The following SH2D4B variants were observed in gnomAD, a reference collection of about 807,000 sequenced individuals.
SH2D4B encodes SH2 domain-containing protein 4B.
SH2D4B carries 45 observed loss-of-function variants against 61.5 expected under a neutral mutation model. The ratio of observed to expected loss-of-function variants is 0.73; its 90% CI spans 0.58 to 0.94. The LOEUF (loss-of-function observed/expected upper bound fraction) is 0.94. SH2D4B is among the 40% of genes least tolerant of loss of function. The pLI is 0.00. For synonymous variants in SH2D4B, 224 were observed against 220.4 expected, an observed-to-expected ratio of 1.02 and a Z score of -0.14; for missense variants, 572 against 574.2, an observed-to-expected ratio of 1.00 and a Z score of 0.04.
chr10:80,590,727 A>G (rs1277689119), intron 4 of SH2D4B, among the ~76,000 whole-genome samples: 1 of 151,950 alleles, frequency 6.6e-6, no homozygotes, highest in Non-Finnish European at 1.5e-5. Flanking sequence ...TGGAGATACA[A>G]CTTACATACC....
intron 3 of SH2D4B, among the ~76,000 whole-genome samples, chr10:80,572,380 C>T (rs72805715): frequency 0.14 from 20,685 of 151,970 alleles, 1,502 homozygotes; most frequent in African/African-American, 0.17. Context: ...TAGGTTTTTC[C>T]GGTAACGTTG....
At chr10:80,548,278 C>A (rs570301753) in intron 1 of SH2D4B, among the ~76,000 whole-genome samples, 17 of 152,296 alleles carry the variant, frequency 1.1e-4, no homozygotes, top group African/African-American at 3.6e-4. Flanking sequence ...GATTCTCCTG[C>A]CTCAGCCTCC....
intron 1 of SH2D4B, among the ~76,000 whole-genome samples, chr10:80,547,268 A>G (rs1841691562): frequency 6.6e-6 from 1 of 152,206 alleles, no homozygotes; most frequent in African/African-American, 2.4e-5. Context: ...ACCATGGGAA[A>G]TTCTTGCTTA....
At chr10:80,589,593 G>C (rs1589347804) in intron 4 of SH2D4B, among the ~76,000 whole-genome samples, 1 of 152,188 alleles carries the variant, frequency 6.6e-6, no homozygotes, top group South Asian at 2.1e-4. Flanking sequence ...CTAAGCCCTA[G>C]GGATCCAGGG....
chr10:80,554,748 G>A (rs1485765080), intron 1 of SH2D4B, among the ~76,000 whole-genome samples: 1 of 152,116 alleles, frequency 6.6e-6, no homozygotes, highest in Non-Finnish European at 1.5e-5. Context: ...GGTGGCTTAC[G>A]CCTGTAATCT....
chr10:80,555,149 T>G (rs1297576909), intron 1 of SH2D4B, among the ~76,000 whole-genome samples: 1 of 152,154 alleles, frequency 6.6e-6, no homozygotes, highest in Non-Finnish European at 1.5e-5. Context: ...GGACCTACTG[T>G]GTGCAGTGTG....
At chr10:80,571,973 C>G (rs1427294592) in intron 3 of SH2D4B, among the ~76,000 whole-genome samples, 5 of 151,868 alleles carry the variant, frequency 3.3e-5, no homozygotes, top group Non-Finnish European at 5.9e-5. Context: ...GGGGTTTCAC[C>G]GTGTTAGCCA....
intron 1 of SH2D4B, among the ~76,000 whole-genome samples, chr10:80,561,237 G>A (rs4038156): frequency 3.9e-5 from 6 of 152,014 alleles, no homozygotes; most frequent in Admixed American, 2.0e-4. Context: ...GGAAAACAAC[G>A]GATAGAATTC....
intron 5 of SH2D4B, among the ~76,000 whole-genome samples, chr10:80,606,040 CAGGCCCAGGCAGTGAG>C (rs1842515568): frequency 6.6e-6 from 1 of 152,118 alleles, no homozygotes; most frequent in South Asian, 2.1e-4. Flanking sequence ...TACAGGGCAG[CAGGCCCAGGCAGTGAG>C]AGGGCCCTCC....
chr10:80,545,018 C>G (rs779863941), intron 1 of SH2D4B, among the ~76,000 whole-genome samples: 2 of 152,228 alleles, frequency 1.3e-5, no homozygotes, highest in Non-Finnish European at 2.9e-5. Context: ...CCCAATCTCT[C>G]TCTTTCAAAA....
intron 4 of SH2D4B, among the ~76,000 whole-genome samples, chr10:80,601,055 G>T (rs564807082): frequency 1.3e-4 from 20 of 152,204 alleles, no homozygotes; most frequent in Middle Eastern, 3.4e-3. Context: ...CGCAACATAC[G>T]GATGTCTTCT....
At chr10:80,581,271 T>C (rs1362711784) in intron 3 of SH2D4B, among the ~76,000 whole-genome samples, 1 of 152,168 alleles carries the variant, frequency 6.6e-6, no homozygotes, top group Non-Finnish European at 1.5e-5. Flanking sequence ...AGTAGGAACA[T>C]TGCATTGTAA....
Position 80,560,691 on chromosome 10 carries a change from AGCT to A in SH2D4B, c.185-9462_185-9460del, listed in dbSNP as rs1564768596. Among the ~76,000 whole-genome samples, 578 of 134,774 alleles carry A rather than the reference AGCT, an allele frequency of 4.3e-3. 3 individuals are homozygous for A. The highest frequency in any genetic ancestry group is 0.016 in the African/African-American group (555 of 34,800). 88.4% of individuals were successfully genotyped at this position (134,774 alleles called of 152,430 possible). A position where few individuals can be genotyped will look rare whatever the true frequency, so the allele number is the denominator to read the frequency against. ...AGGCCTGAACCACCGTTCCTGGCCA[AGCT>A]TTTTTTTTTTTTTTTTTTTTTTTTT... On this transcript the variant is annotated intron_variant, in intron 1 of 7. Transcript: ENST00000646907.
chr10:80,554,196 C>T (rs930058054), intron 1 of SH2D4B, among the ~76,000 whole-genome samples: 2 of 152,186 alleles, frequency 1.3e-5, no homozygotes, highest in African/African-American at 2.4e-5. Context: ...GAACACATCG[C>T]TGTTGGGGCA....
chr10:80,595,939 C>T (rs1397944803), intron 4 of SH2D4B, among the ~76,000 whole-genome samples: 1 of 152,154 alleles, frequency 6.6e-6, no homozygotes, highest in East Asian at 1.9e-4. Context: ...GCTTTTAAGT[C>T]TCCATTCCTT....
intron 6 of SH2D4B, among the ~76,000 whole-genome samples, chr10:80,620,176 C>A (rs1258787658): frequency 6.6e-6 from 1 of 152,146 alleles, no homozygotes; most frequent in Non-Finnish European, 1.5e-5. Flanking sequence ...ATTGTAATTC[C>A]CAATGTTGGG....
Position 80,645,914 on chromosome 10 carries a change from T to C in SH2D4B, c.*1829T>C, listed in dbSNP as rs1840389624. ...TCTGCTTTCTGAACTCTAATGTGCC[T>C]TCATTGATTATCATTAAAATTATCA... On this transcript the variant is annotated 3_prime_UTR_variant, in exon 8 of 8. Coordinates refer to ENST00000646907, the MANE Select transcript of SH2D4B (RefSeq NM_001388272.1). 1 of 152,188 alleles carries C rather than the reference T, an allele frequency of 6.6e-6. No individual in the cohort carries two copies. Among genetic ancestry groups the C allele is most frequent in the Admixed American group, 6.5e-5 (1 of 15,276 alleles). The allele number at this position is 152,188 out of a possible 1,614,324, so 9.4% of individuals were successfully genotyped here. A position where few individuals can be genotyped will look rare whatever the true frequency, so the allele number is the denominator to read the frequency against.
At chr10:80,573,750 A>G (rs1175527624) in intron 3 of SH2D4B, among the ~76,000 whole-genome samples, 1 of 152,224 alleles carries the variant, frequency 6.6e-6, no homozygotes, top group Non-Finnish European at 1.5e-5. Context: ...CTGTTAAGGT[A>G]AGAACCCTAC....
intron 1 of SH2D4B, among the ~76,000 whole-genome samples, chr10:80,567,569 T>C (rs1841985956): frequency 6.6e-6 from 1 of 152,148 alleles, no homozygotes; most frequent in Non-Finnish European, 1.5e-5. Flanking sequence ...TAAGGCACTA[T>C]ATACAGTGCT....
Sources: gnomAD v4.1 joint callset for allele counts (sites outside exome capture counted in the v4.1 genomes callset) on GRCh38, gnomAD v4.1.1 for gene constraint, MANE v1.5 for transcripts, NCBI Gene and HGNC (gene_info 2026-07-23, HGNC 2026-07-21) for gene names.